NAA60: variants seen among roughly 807,000 people sequenced by gnomAD.
The protein encoded by NAA60 is N-alpha-acetyltransferase 60.
In NAA60, 8 loss-of-function variants were observed where a neutral mutation model predicts 26.1. That is an observed-to-expected ratio of 0.31 (90% CI 0.18 to 0.55). NAA60 has a LOEUF of 0.55. Among genes scored for constraint, NAA60 ranks in the 20% least tolerant of loss-of-function variants. The pLI, the probability that NAA60 is intolerant of heterozygous loss-of-function variation, is 0.93. For missense variants in NAA60, 290 were observed against 311.3 expected, an observed-to-expected ratio of 0.93 and a Z score of 0.51; for synonymous variants, 131 against 122.5, an observed-to-expected ratio of 1.07 and a Z score of -0.46.
intron 2 of NAA60, chr16:3,448,828 C>T (rs780732795): frequency 4.9e-5 from 14 of 283,908 alleles, no homozygotes; most frequent in Non-Finnish European, 9.5e-5. Context: ...TCTTGTGAGT[C>T]TGATGGGTAA....
At chr16:3,444,778 T>C (rs939429850) in intron 1 of NAA60, among the ~76,000 whole-genome samples, 1 of 152,114 alleles carries the variant, frequency 6.6e-6, no homozygotes, top group African/African-American at 2.4e-5. Context: ...ACGTTGACAA[T>C]AGAATCCAGG....
chr16:3,471,018 T>C lies in NAA60; in HGVS notation c.-6-5204T>C, dbSNP rs183345516. ...GGCCTCCAGAAACACGGAAGCACTTTTAGTAGGGATTTGAAAATCCGCAGA... is the reference window on the plus strand; with the variant it reads ...GGCCTCCAGAAACACGGAAGCACTTCTAGTAGGGATTTGAAAATCCGCAGA... On this transcript the variant is annotated intron_variant, in intron 2 of 7. Coordinates refer to ENST00000407558, the MANE Select transcript of NAA60 (RefSeq NM_001083601.3). Among the ~76,000 whole-genome samples the C allele has an allele frequency of 3.3e-5, 5 of 152,286 alleles. No homozygotes were observed. The East Asian group carries it at 9.7e-4, about 29-fold the overall frequency.
intron 2 of NAA60, among the ~76,000 whole-genome samples, chr16:3,460,717 G>A (rs1489861420): frequency 6.6e-6 from 1 of 152,130 alleles, no homozygotes; most frequent in Non-Finnish European, 1.5e-5. Context: ...GCAAGGCTGG[G>A]GTGTGGACCC....
rs199845048 is a variant in NAA60, at chr16:3,473,707, TTTGTTGTTGTTGTTGTTG to T, written c.-6-2491_-6-2474del. Among the ~76,000 whole-genome samples, 11 of 145,910 alleles carry T rather than the reference TTTGTTGTTGTTGTTGTTG, an allele frequency of 7.5e-5. No homozygotes were observed. The South Asian group carries it at 1.1e-3, about 14-fold the overall frequency. On this transcript the variant is annotated intron_variant, in intron 2 of 7. Coordinates refer to ENST00000407558, the MANE Select transcript of NAA60 (RefSeq NM_001083601.3). ...GAGCCACCATGCTTGGCCCCAGCTT[TTTGTTGTTGTTGTTGTTG>T]TTGTTGTTGTTGTTGTTGTTGTTTT...
At chr16:3,450,313 A>G (rs1051374186) in intron 2 of NAA60, 3 of 244,518 alleles carry the variant, frequency 1.2e-5, no homozygotes, top group Admixed American at 1.1e-4. Flanking sequence ...TTTGTTCATG[A>G]TTTGTTTCTG....
At position 3,480,221 on chromosome 16, in the gene NAA60, C is replaced by T. The variant is rs568061873; in HGVS notation, c.240+621C>T. Among the ~76,000 whole-genome samples, 5 of 152,212 alleles carry T rather than the reference C, an allele frequency of 3.3e-5. No homozygotes were observed. In the South Asian group the frequency reaches 6.2e-4, roughly 19 times the overall value. The stretch of plus-strand genomic sequence containing the variant: ...AGCATCTGAGGTAATGTTTACCACC[C>T]GAGGATTTAGCCAAGGAGGGAAAAA... On this transcript the variant is annotated intron_variant, in intron 4 of 7. Transcript: ENST00000407558.
chr16:3,454,659 G>A (rs779069474), intron 2 of NAA60, among the ~76,000 whole-genome samples: 2 of 152,194 alleles, frequency 1.3e-5, no homozygotes, highest in African/African-American at 2.4e-5. Flanking sequence ...AACCATGAAA[G>A]CAAAGAGGTG....
At chr16:3,444,881 C>A (rs535551811) in intron 1 of NAA60, among the ~76,000 whole-genome samples, 7 of 152,288 alleles carry the variant, frequency 4.6e-5, no homozygotes, top group Admixed American at 3.3e-4. Context: ...ATGCTTCAGC[C>A]CCTGTCACTA....
At chr16:3,480,722 G>C (rs548883469) in intron 4 of NAA60, among the ~76,000 whole-genome samples, 1 of 151,884 alleles carries the variant, frequency 6.6e-6, no homozygotes, top group Non-Finnish European at 1.5e-5. Flanking sequence ...GGCCAACATC[G>C]TGAAACCTTG....
At position 3,486,872 on chromosome 16, in the gene NAA60, G is replaced by GCCCCTA. The variant is rs2037165125; in HGVS notation, c.*1612_*1613insCCCCTA. ...CCCACCCTGCCCCACACCTGCCCCT[G>GCCCCTA]ATCACTGCAGTGTCCAGCCCAGTGT... On this transcript the variant is annotated 3_prime_UTR_variant, in exon 8 of 8. Transcript: ENST00000407558. 1 of 152,636 alleles carries GCCCCTA rather than the reference G, an allele frequency of 6.6e-6. No individual in the cohort carries two copies. The highest frequency in any genetic ancestry group is 6.5e-5 in the Admixed American group (1 of 15,284). 9.5% of individuals were successfully genotyped at this position (152,636 alleles called of 1,614,324 possible).
At chr16:3,454,286 C>G (rs2034892058) in intron 2 of NAA60, among the ~76,000 whole-genome samples, 1 of 152,212 alleles carries the variant, frequency 6.6e-6, no homozygotes, top group Admixed American at 6.5e-5. Flanking sequence ...TGTCGCTACA[C>G]TGCAGGAGCC....
Position 3,443,694 on chromosome 16 carries a change from G to A in NAA60, c.-220G>A, listed in dbSNP as rs374969284. ...AGCAACCATTTCCGCTTCCGCTGGC[G>A]GGGTCTCCTCCGTGAGCTCCGGGCC... On this transcript the variant is annotated 5_prime_UTR_variant, in exon 1 of 8. Coordinates refer to ENST00000407558, the MANE Select transcript of NAA60 (RefSeq NM_001083601.3). 1.3e-4 allele frequency: 181 copies of A among 1,403,736 alleles called. 2 individuals carry two copies. The East Asian group carries it at 4.5e-3, about 35-fold the overall frequency. 87.0% of individuals were successfully genotyped at this position (1,403,736 alleles called of 1,614,324 possible).
intron 1 of NAA60, among the ~76,000 whole-genome samples, chr16:3,445,274 C>CTTTTTTTTTTTTTTTTT (rs1452284919): frequency 8.0e-6 from 1 of 125,532 alleles, no homozygotes. Context: ...TTGTGCTTAT[C>CTTTTTTTTTTTTTTTTT]TCTTTTTTTT....
At chr16:3,477,606 G>A (rs1359328220) in intron 3 of NAA60, among the ~76,000 whole-genome samples, 2 of 149,208 alleles carry the variant, frequency 1.3e-5, no homozygotes, top group African/African-American at 4.9e-5. Context: ...TTCGAGACCA[G>A]CCTGGCCAAC....
chr16:3,482,980 T>A lies in NAA60; in HGVS notation c.337+382T>A, dbSNP rs1395257314. On this transcript the variant is annotated intron_variant, in intron 5 of 7. Coordinates refer to ENST00000407558, the MANE Select transcript of NAA60 (RefSeq NM_001083601.3). ...GCACGAGGAAGCAACACTCACCGTT[T>A]CTCCGATGTCCCACCCCACTCGGCC... 6.5e-6 allele frequency: 3 copies of A among 465,032 alleles called. No homozygotes were observed. The East Asian group carries it at 1.2e-4, about 19-fold the overall frequency. 28.8% of individuals were successfully genotyped at this position (465,032 alleles called of 1,614,324 possible).
At position 3,460,107 on chromosome 16, in the gene NAA60, C is replaced by G. The variant is rs139220332; in HGVS notation, c.-7+11567C>G. On this transcript the variant is annotated intron_variant, in intron 2 of 7. Transcript: ENST00000407558. ...ATGGTCACATTGCAGCCATAGGGAA[C>G]AGATAGATGCAGAGAAGAGGCTTCA... is the stretch of plus-strand genomic sequence containing the variant. Among the ~76,000 whole-genome samples, 314 of 152,248 alleles carry G rather than the reference C, an allele frequency of 2.1e-3. 1 individual carries two copies. Among genetic ancestry groups the G allele is most frequent in the African/African-American group, 6.9e-3 (287 of 41,548 alleles).
chr16:3,481,606 C>T (rs2036842383), intron 4 of NAA60, among the ~76,000 whole-genome samples: 1 of 152,192 alleles, frequency 6.6e-6, no homozygotes, highest in African/African-American at 2.4e-5. Context: ...CAGTAGAGGG[C>T]CCTCTGGCCT....
intron 6 of NAA60, 102 bp from the exon 7 acceptor site, chr16:3,484,597 C>A: frequency 6.9e-7 from 1 of 1,448,018 alleles, no homozygotes; most frequent in South Asian, 1.3e-5. Context: ...GCCTGGCTTG[C>A]CATCTGCACA....
In NAA60 at chr16:3,484,972, C is replaced by G. The variant is rs758482944; in HGVS notation, c.*117C>G. On this transcript the variant is annotated 3_prime_UTR_variant, in exon 7 of 8. Transcript: ENST00000407558. ...GAGCTGCCAGCCATCTAACTGGGCT[C>G]GTCGGCCTGCCCCAGCTGCAGGCCC... 4 of 1,529,346 alleles carry G rather than the reference C, an allele frequency of 2.6e-6. No individual in the cohort carries two copies. Among genetic ancestry groups the G allele is most frequent in the Non-Finnish European group, 3.5e-6 (4 of 1,140,228 alleles). The allele number at this position is 1,529,346 out of a possible 1,614,324, so 94.7% of individuals were successfully genotyped here.
Sources: gnomAD v4.1 joint callset for allele counts (sites outside exome capture counted in the v4.1 genomes callset) on GRCh38, gnomAD v4.1.1 for gene constraint, MANE v1.5 for transcripts, NCBI Gene and HGNC (gene_info 2026-07-23, HGNC 2026-07-21) for gene names.